The following BCL6 variants were observed in gnomAD, a reference collection of about 807,000 sequenced individuals.
BCL6 encodes the protein B-cell lymphoma 6 protein.
Under a neutral mutation model 59.5 loss-of-function variants are expected in BCL6, and 7 were observed. The ratio of observed to expected loss-of-function variants is 0.12; its 90% CI spans 0.07 to 0.22. The LOEUF is 0.22. BCL6 is among the 10% of genes least tolerant of loss of function. The pLI, the probability that BCL6 is intolerant of heterozygous loss-of-function variation, is 1.00. For missense variants in BCL6, 685 were observed against 939.4 expected (o/e 0.73, Z 3.54); for synonymous variants, 339 against 349.7 (o/e 0.97, Z 0.34).
chr3:187,728,675 T>C, intron 5 of BCL6, 131 bp from the exon 6 acceptor site: 1 of 897,532 alleles, frequency 1.1e-6, no homozygotes, highest in African/African-American at 1.7e-5. Context: ...CCCAGAGTTG[T>C]CCTCAAGTTT....
At position 187,725,113 on chromosome 3, in the gene BCL6, G is replaced by A. The variant is rs747840886; in HGVS notation, c.1840-35C>T. ...GAAGAAGGCATGAGAGGTCTTCTGG[G>A]GTGGGCTGCAGGCCTCTGGGCAGCC... On this transcript the variant is annotated intron_variant, in intron 8 of 9. Coordinates refer to ENST00000406870, the MANE Select transcript of BCL6 (RefSeq NM_001706.5). This position sits in a 1 kb window ranked among gnomAD's most constrained non-coding sequence, Gnocchi z 4.7. The A allele has an allele frequency of 3.1e-6, 5 of 1,612,454 alleles. No individual in the cohort carries two copies. The highest frequency in any genetic ancestry group is 2.7e-5 in the African/African-American group (2 of 74,874).
intron 1 of BCL6, among the ~76,000 whole-genome samples, chr3:187,745,105 T>C (rs536787372): frequency 3.9e-5 from 6 of 152,024 alleles, no homozygotes; most frequent in East Asian, 3.9e-4. Flanking sequence ...AACCGGCCGA[T>C]TCACTCAAAG....
At chr3:187,726,658 T>C in intron 7 of BCL6, 73 bp downstream of exon 7, 4 of 1,564,270 alleles carry the variant, frequency 2.6e-6, no homozygotes, top group Non-Finnish European at 2.6e-6. Flanking sequence ...CCCACACAGC[T>C]TTCTCTAGGA....
chr3:187,733,784 G>T lies in BCL6; in HGVS notation c.-10-81C>A, dbSNP rs545072999. 1.7e-5 allele frequency: 24 copies of T among 1,448,660 alleles called. No individual in the cohort carries two copies. The African/African-American group carries it at 2.8e-4, about 17-fold the overall frequency. The allele number at this position is 1,448,660 out of a possible 1,614,324, so 89.7% of individuals were successfully genotyped here. ...CACAGGTATCAGAGCAGGTGGCTTAGCCTGCTAAGGTACAGAATGCAACTC... is the reference window on the plus strand; with the variant it reads ...CACAGGTATCAGAGCAGGTGGCTTATCCTGCTAAGGTACAGAATGCAACTC... On this transcript the variant is annotated intron_variant, in intron 2 of 9. Transcript: ENST00000406870.
At chr3:187,740,782 G>A (rs1483507838) in intron 1 of BCL6, among the ~76,000 whole-genome samples, 1 of 152,266 alleles carries the variant, frequency 6.6e-6, no homozygotes, top group Non-Finnish European at 1.5e-5. Flanking sequence ...ACAGGGACAG[G>A]AAGATGGTGT....
In BCL6 at chr3:187,733,598, A is replaced by G; in HGVS notation, c.96T>C (p.Thr32=). 1.9e-6 allele frequency: 3 copies of G among 1,614,118 alleles called. No homozygotes were observed. The highest frequency in any genetic ancestry group is 2.5e-6 in the Non-Finnish European group (3 of 1,180,014). ...LNRLRSRDIL[T]DVVIVVSREQ... ...CACGGCTCACAACAATGACAACATC[A>G]GTCAAGATGTCTCGACTCCGGAGAC... The change falls in exon 3 of 10, where the codon ACT becomes ACC. Residue 32 remains threonine (T), a synonymous_variant. Transcript: ENST00000406870.
chr3:187,740,378 G>C (rs1711543684), intron 1 of BCL6, among the ~76,000 whole-genome samples: 1 of 152,034 alleles, frequency 6.6e-6, no homozygotes, highest in African/African-American at 2.4e-5. Flanking sequence ...CGAGCTCCGA[G>C]ACCCACACCC....
chr3:187,743,479 C>T (rs894694955), intron 1 of BCL6, among the ~76,000 whole-genome samples: 12 of 152,086 alleles, frequency 7.9e-5, no homozygotes, highest in Non-Finnish European at 1.3e-4. Context: ...AAACCCCAGC[C>T]ACCAACACAA....
chr3:187,740,974 G>A (rs1038652913), intron 1 of BCL6, among the ~76,000 whole-genome samples: 2 of 152,134 alleles, frequency 1.3e-5, no homozygotes, highest in African/African-American at 4.8e-5. Context: ...GGGTACCGCC[G>A]CCCGGGAGGT....
intron 1 of BCL6, among the ~76,000 whole-genome samples, chr3:187,742,473 G>A (rs1004670925): frequency 1.3e-5 from 2 of 152,186 alleles, no homozygotes; most frequent in Admixed American, 1.3e-4. Flanking sequence ...GAAGAAAGGG[G>A]CAATTGGAGA....
chr3:187,730,791 C>G (rs992922209), intron 4 of BCL6, among the ~76,000 whole-genome samples: 2 of 152,164 alleles, frequency 1.3e-5, no homozygotes, highest in African/African-American at 2.4e-5. Context: ...GAAGGAACAT[C>G]ATGTGGGTGA....
chr3:187,723,307 G>A (rs1251810582), intron 9 of BCL6, among the ~76,000 whole-genome samples: 5 of 151,974 alleles, frequency 3.3e-5, no homozygotes, highest in Admixed American at 6.6e-5. Flanking sequence ...AAGCGCTTTA[G>A]TTTAGATAAA....
At chr3:187,737,549 G>A (rs1229762444) in intron 1 of BCL6, 1 of 152,492 alleles carries the variant, frequency 6.6e-6, no homozygotes, top group African/African-American at 2.4e-5. Context: ...CCTGCGCGCC[G>A]GGGCAAGCCT....
At chr3:187,739,993 G>T (rs1711531366) in intron 1 of BCL6, among the ~76,000 whole-genome samples, 1 of 152,164 alleles carries the variant, frequency 6.6e-6, no homozygotes, top group Non-Finnish European at 1.5e-5. Context: ...ACAGAGGCGC[G>T]TTTCTCCGAC....
At chr3:187,740,644 A>C (rs1004423592) in intron 1 of BCL6, among the ~76,000 whole-genome samples, 1 of 152,188 alleles carries the variant, frequency 6.6e-6, no homozygotes, top group African/African-American at 2.4e-5. Context: ...TGGTTAAGTC[A>C]CTAACTCACC....
In BCL6 at chr3:187,722,325, A is replaced by AC; in HGVS notation, c.*132_*133insG. 1 of 50,248 alleles carries AC rather than the reference A, an allele frequency of 2.0e-5. No individual in the cohort carries two copies. The highest frequency in any genetic ancestry group is 2.9e-5 in the Non-Finnish European group (1 of 34,458). 3.1% of individuals were successfully genotyped at this position (50,248 alleles called of 1,614,324 possible). The stretch of plus-strand genomic sequence containing the variant: ...CCAGGCCCCGACCCCCACCACCCCC[A>AC]ACCCCCAGCTATGATTTGCACTAGT... On this transcript the variant is annotated 3_prime_UTR_variant, in exon 10 of 10. Coordinates refer to ENST00000406870, the MANE Select transcript of BCL6 (RefSeq NM_001706.5).
In BCL6 at chr3:187,722,494, G is replaced by A; in HGVS notation, c.2085C>T (p.Ala695=). Residue 695 remains alanine, a synonymous_variant, in exon 10 of 10, where the codon GCC becomes GCT. Transcript: ENST00000406870. ...TGGGGAGCTCCGGAGGCAGGTCAGT[G>A]GCTGACACGCGGTATTGCACCTTGG... is the stretch of plus-strand genomic sequence containing the variant. ...TNTKVQYRVS[A]TDLPPELPKA... is the part of the protein sequence containing the mutation. The A allele has an allele frequency of 6.2e-7, 1 of 1,613,772 alleles. No individual in the cohort carries two copies. Among genetic ancestry groups the A allele is most frequent in the East Asian group, 2.2e-5 (1 of 44,860 alleles).
chr3:187,744,431 T>G (rs572764445), intron 1 of BCL6, among the ~76,000 whole-genome samples: 2 of 150,404 alleles, frequency 1.3e-5, no homozygotes, highest in East Asian at 2.0e-4. Context: ...GAAAGAATAA[T>G]TTTCAAAGTG....
At chr3:187,732,979 G>T (rs150891552) in intron 3 of BCL6, among the ~76,000 whole-genome samples, 3 of 152,194 alleles carry the variant, frequency 2.0e-5, no homozygotes, top group Admixed American at 2.0e-4. Context: ...TAACACTGAA[G>T]ACTACTAAAA....
Sources: allele counts gnomAD v4.1 joint callset (sites outside exome capture counted in the v4.1 genomes callset), GRCh38; gene constraint gnomAD v4.1.1; non-coding constraint Gnocchi (gnomAD v3.1); transcripts MANE v1.5; gene names NCBI Gene and HGNC (gene_info 2026-07-23, HGNC 2026-07-21).